Variants in ZNF674 observed in about 807,000 individuals in gnomAD.
The protein encoded by ZNF674 is zinc finger family member 674.
In ZNF674, 2 loss-of-function variants were observed where a neutral mutation model predicts 7.0. The observed-to-expected ratio is 0.29, with a 90% CI of 0.12 to 0.90. The LOEUF (loss-of-function observed/expected upper bound fraction) is 0.90, where lower values mean the gene tolerates loss of function less well. Among genes scored for constraint, ZNF674 ranks in the 40% least tolerant of loss-of-function variants. ZNF674 has a pLI of 0.57. For synonymous variants in ZNF674, 103 were observed against 145.2 expected (o/e 0.71, Z 2.09); for missense variants, 297 against 415.5 (o/e 0.71, Z 2.48).
chrX:46,526,372 G>A (rs754737157), intron 5 of ZNF674, among the ~76,000 whole-genome samples: 31 of 111,234 alleles, frequency 2.8e-4, no homozygotes, highest in African/African-American at 7.8e-4. Flanking sequence ...TCGTCCTCTC[G>A]TGCTCAAGCA....
chrX:46,529,097 T>G, intron 3 of ZNF674, 188 bp from the exon 4 acceptor site: 1 of 790,763 alleles, frequency 1.3e-6, no homozygotes, highest in Admixed American at 3.1e-5. Context: ...AGAGCCTAAA[T>G]AACCAGTCCA....
At chrX:46,523,060 A>G in intron 5 of ZNF674, 1 of 189,622 alleles carries the variant, frequency 5.3e-6, no homozygotes, top group Non-Finnish European at 1.0e-5. Flanking sequence ...ATTTCTTCTG[A>G]AAAGTACGCA....
At chrX:46,519,244 AGAT>A (rs1569476148) in intron 5 of ZNF674, among the ~76,000 whole-genome samples, 4 of 74,253 alleles carry the variant, frequency 5.4e-5, no homozygotes, top group East Asian at 3.5e-4. Flanking sequence ...ATAGATAGAT[AGAT>A]AGATAGATAG....
At chrX:46,522,267 A>G (rs1266419486) in intron 5 of ZNF674, among the ~76,000 whole-genome samples, 1 of 109,373 alleles carries the variant, frequency 9.1e-6, no homozygotes, top group African/African-American at 3.3e-5. Flanking sequence ...GTATATACAT[A>G]GGAAAGCTCT....
In ZNF674 at chrX:46,500,511, T is replaced by G; in HGVS notation, c.1063A>C (p.Ser355Arg). ...TCATCAGAGGCTTTCCCATGTTCAC[T>G]GCACTGAGGTTTCTCACTTGTGTGA... The part of the protein sequence containing the change: ...RIHTSEKPQC[S>R]EHGKASDEKP... Residue 355 changes from serine (S) to arginine (R), a missense_variant, in exon 6 of 6, where the codon AGT (serine) becomes CGT (arginine). Coordinates refer to ENST00000683375, the MANE Select transcript of ZNF674 (RefSeq NM_001190417.2). 3 of 1,211,942 alleles carry G rather than the reference T, an allele frequency of 2.5e-6. No homozygotes were observed. Among genetic ancestry groups the G allele is most frequent in the Non-Finnish European group, 3.4e-6 (3 of 895,237 alleles).
chrX:46,521,252 G>T (rs976307278), intron 5 of ZNF674, among the ~76,000 whole-genome samples: 1 of 109,003 alleles, frequency 9.2e-6, no homozygotes, highest in Admixed American at 9.9e-5. Flanking sequence ...CAGTATGCTT[G>T]CAATAAAGCA....
intron 3 of ZNF674, among the ~76,000 whole-genome samples, chrX:46,536,265 G>A (rs1183739178): frequency 1.8e-5 from 2 of 110,886 alleles, no homozygotes; most frequent in Non-Finnish European, 3.8e-5. Flanking sequence ...TTTGAAACCA[G>A]CCTGGGCAAC....
At chrX:46,525,036 A>T (rs559259177) in intron 5 of ZNF674, among the ~76,000 whole-genome samples, 9 of 110,940 alleles carry the variant, frequency 8.1e-5, no homozygotes, top group Non-Finnish European at 1.3e-4. Context: ...TAATTAATTT[A>T]AAAATAAAGG....
At chrX:46,512,779 AT>A (rs1941685440) in intron 5 of ZNF674, among the ~76,000 whole-genome samples, 1 of 109,394 alleles carries the variant, frequency 9.1e-6, no homozygotes, top group Non-Finnish European at 1.9e-5. Context: ...AAAAAAAAAA[AT>A]TACACAAAAA....
Position 46,500,115 on chromosome X carries a change from T to C in ZNF674, c.1459A>G (p.Thr487Ala). 4 of 1,212,214 alleles carry C rather than the reference T, an allele frequency of 3.3e-6. No homozygotes were observed. Among genetic ancestry groups the C allele is most frequent in the Non-Finnish European group, 4.5e-6 (4 of 895,611 alleles). Residue 487 changes from threonine to alanine, a missense_variant, in exon 6 of 6, where the codon ACA (threonine) becomes GCA (alanine). By Grantham distance (58) the Thr-to-Ala change is moderately conservative. Transcript: ENST00000683375. ...SPLIKHQRIHTGERPYECTDC... is the reference protein window; with the variant it reads ...SPLIKHQRIHAGERPYECTDC... ...GTGCATTCATAGGGTCTCTCTCCTGTATGAATTCTCTGATGTTTAATCAGT... is the reference window on the plus strand; with the variant it reads ...GTGCATTCATAGGGTCTCTCTCCTGCATGAATTCTCTGATGTTTAATCAGT...
At chrX:46,543,933 ACT>A (rs1942334281) in intron 2 of ZNF674, among the ~76,000 whole-genome samples, 1 of 112,773 alleles carries the variant, frequency 8.9e-6, no homozygotes, top group African/African-American at 3.2e-5. Context: ...ATGAACGGAC[ACT>A]CAGCATTTCC....
intron 2 of ZNF674, among the ~76,000 whole-genome samples, chrX:46,543,725 G>A (rs1384277792): frequency 1.8e-5 from 2 of 112,185 alleles, no homozygotes; most frequent in Non-Finnish European, 3.8e-5. Flanking sequence ...TCTGTGCAGA[G>A]TAACCATTTC....
At chrX:46,525,373 C>T (rs1398538675) in intron 5 of ZNF674, 1 of 228,731 alleles carries the variant, frequency 4.4e-6, no homozygotes, top group Non-Finnish European at 8.1e-6. Flanking sequence ...GAGGCCGAGG[C>T]AGGCAGATCA....
chrX:46,518,529 T>C (rs1375229251), intron 5 of ZNF674, among the ~76,000 whole-genome samples: 1 of 109,581 alleles, frequency 9.1e-6, no homozygotes, highest in African/African-American at 3.3e-5. Context: ...GGATTGCTTG[T>C]GCCCAGGAGC....
rs760459210 is a variant in ZNF674 at position 46,528,396 on chromosome X, G to T, written c.192C>A (p.Asp64Glu). ...TCCCTCCATCTGCCATCCAGGACTC[G>T]TCACCTGGTCCCAACCTGAAGATCA... Reference protein sequence around the residue: ...PDVIFRLGPGDESWMADGGTP... With the variant: ...PDVIFRLGPGEESWMADGGTP... The change falls in exon 5 of 6, where the codon GAC (aspartate) becomes GAA (glutamate). Residue 64 changes from aspartate (D) to glutamate (E), a missense_variant. Asp to Glu is a conservative substitution (Grantham distance 45). Transcript: ENST00000683375. 5.0e-6 allele frequency: 6 copies of T among 1,209,583 alleles called. No individual in the cohort carries two copies. The highest frequency in any genetic ancestry group is 2.3e-4 in the Middle Eastern group (1 of 4,376).
At chrX:46,502,233 G>C (rs1941446044) in intron 5 of ZNF674, among the ~76,000 whole-genome samples, 1 of 106,265 alleles carries the variant, frequency 9.4e-6, no homozygotes, top group Non-Finnish European at 1.9e-5. Flanking sequence ...TTGAAGCTGG[G>C]AGGCGGAGGT....
intron 2 of ZNF674, among the ~76,000 whole-genome samples, chrX:46,544,234 T>C (rs759643595): frequency 1.8e-5 from 2 of 112,954 alleles, no homozygotes; most frequent in Non-Finnish European, 3.7e-5. Context: ...CACCTGGAAG[T>C]AGAGCCAGCT....
chrX:46,521,654 G>T (rs762958649), intron 5 of ZNF674, among the ~76,000 whole-genome samples: 2 of 109,308 alleles, frequency 1.8e-5, no homozygotes, highest in Admixed American at 9.9e-5. Flanking sequence ...GCGGGGGAGG[G>T]GGGGGAGGTG....
Position 46,499,257 on chromosome X carries a change from G to C in ZNF674, c.*586C>G, listed in dbSNP as rs1252568306. 1 of 111,791 alleles carries C rather than the reference G, an allele frequency of 8.9e-6. No homozygotes were observed. The highest frequency in any genetic ancestry group is 9.5e-5 in the Admixed American group (1 of 10,527). 9.2% of individuals were successfully genotyped at this position (111,791 alleles called of 1,213,427 possible). On this transcript the variant is annotated 3_prime_UTR_variant, in exon 6 of 6. Transcript: ENST00000683375. ...AGTTCACTGCAACCTCTGCCTCCTGGGCTCAAGCCACCCTCCTACTTCAAC... is the reference window on the plus strand; with the variant it reads ...AGTTCACTGCAACCTCTGCCTCCTGCGCTCAAGCCACCCTCCTACTTCAAC...
Sources: allele counts gnomAD v4.1 joint callset (sites outside exome capture counted in the v4.1 genomes callset), GRCh38; gene constraint gnomAD v4.1.1; transcripts MANE v1.5; gene names NCBI Gene and HGNC (gene_info 2026-07-23, HGNC 2026-07-21).